Variants in RAP1A observed in about 807,000 individuals in gnomAD.
The protein encoded by RAP1A is ras-related protein Rap-1A.
A neutral mutation model predicts 26.4 loss-of-function variants in RAP1A; 6 were observed. That is an observed-to-expected ratio of 0.23 (90% CI 0.12 to 0.45). The LOEUF (loss-of-function observed/expected upper bound fraction) is 0.45. RAP1A is among the 20% of genes least tolerant of loss of function. The probability of loss-of-function intolerance (pLI) is 0.99; values close to 1 mark genes in which losing one functional copy is unlikely to be tolerated. For synonymous variants in RAP1A, 73 were observed against 79.4 expected, an observed-to-expected ratio of 0.92 and a Z score of 0.43; for missense variants, 121 against 217.2, an observed-to-expected ratio of 0.56 and a Z score of 2.78.
intron 1 of RAP1A, among the ~76,000 whole-genome samples, chr1:111,565,571 A>C (rs990372937): frequency 2.0e-5 from 3 of 152,202 alleles, no homozygotes; most frequent in Admixed American, 2.0e-4. Flanking sequence ...TGCCATTCAG[A>C]ATGGGGTGAT....
intron 1 of RAP1A, among the ~76,000 whole-genome samples, chr1:111,645,262 G>T (rs770803082): frequency 3.3e-5 from 5 of 152,202 alleles, no homozygotes; most frequent in Non-Finnish European, 4.4e-5. Flanking sequence ...TATAGGGCAG[G>T]TAGAAAGGTT....
intron 1 of RAP1A, among the ~76,000 whole-genome samples, chr1:111,596,310 A>G (rs1658562991): frequency 6.6e-6 from 1 of 152,188 alleles, no homozygotes; most frequent in Admixed American, 6.5e-5. Context: ...AAGGCCCTAC[A>G]GAGGCTCTGA....
chr1:111,638,478 T>C (rs1173914787), intron 1 of RAP1A, among the ~76,000 whole-genome samples: 3 of 152,194 alleles, frequency 2.0e-5, no homozygotes, highest in East Asian at 3.8e-4. Context: ...ATCTTAATCC[T>C]ACCCCCGGGC....
At chr1:111,629,213 T>C (rs913224494) in intron 1 of RAP1A, among the ~76,000 whole-genome samples, 5 of 152,136 alleles carry the variant, frequency 3.3e-5, no homozygotes, top group Admixed American at 3.3e-4. Context: ...AATGGGAAAT[T>C]GTGTGTATGA....
chr1:111,562,988 C>A (rs988367297), intron 1 of RAP1A, among the ~76,000 whole-genome samples: 1 of 152,222 alleles, frequency 6.6e-6, no homozygotes, highest in Admixed American at 6.5e-5. Flanking sequence ...TTTTGAAATT[C>A]TCACAACAGC....
intron 1 of RAP1A, among the ~76,000 whole-genome samples, chr1:111,610,964 A>AT (rs5777067): frequency 2.0e-5 from 3 of 151,736 alleles, no homozygotes; most frequent in Non-Finnish European, 4.4e-5. Context: ...GAAGAAACAT[A>AT]TTTTTTTTTT....
chr1:111,591,483 C>T (rs1270465220), intron 1 of RAP1A, among the ~76,000 whole-genome samples: 6 of 152,002 alleles, frequency 3.9e-5, no homozygotes, highest in Admixed American at 1.3e-4. Flanking sequence ...AATTTCTCTG[C>T]GTAAGTTTTG....
At chr1:111,561,763 C>A (rs146901097) in intron 1 of RAP1A, among the ~76,000 whole-genome samples, 1 of 152,092 alleles carries the variant, frequency 6.6e-6, no homozygotes, top group African/African-American at 2.4e-5. Flanking sequence ...TGTGTGTGTA[C>A]GTATAATTGG....
At chr1:111,681,232 A>C (rs61791765) in intron 1 of RAP1A, among the ~76,000 whole-genome samples, 8,887 of 152,274 alleles carry the variant, frequency 0.058, 280 homozygotes, top group Non-Finnish European at 0.069. Context: ...TGGACAACAG[A>C]GTGAAACTCC....
chr1:111,697,465 T>C lies in RAP1A; in HGVS notation c.151T>C (p.Cys51Arg). The change falls in exon 4 of 8, where the codon TGT becomes CGT. Residue 51 changes from cysteine (C) to arginine (R), a missense_variant. Coordinates refer to ENST00000369709, the MANE Select transcript of RAP1A (RefSeq NM_002884.4). ...GCAAGTTGAAGTCGATTGCCAACAG[T>C]GTATGCTCGAAATCCTGGATACTGC... is the stretch of plus-strand genomic sequence containing the variant. ...RKQVEVDCQQ[C>R]MLEILDTAGT... 1.2e-6 allele frequency: 2 copies of C among 1,612,836 alleles called. No individual in the cohort carries two copies. Among genetic ancestry groups the C allele is most frequent in the Non-Finnish European group, 8.5e-7 (1 of 1,179,620 alleles).
chr1:111,587,937 GA>G (rs1557858785), intron 1 of RAP1A, among the ~76,000 whole-genome samples: 7 of 152,040 alleles, frequency 4.6e-5, no homozygotes, highest in African/African-American at 1.7e-4. Flanking sequence ...TGGTCAGACA[GA>G]AAAAAAGTTT....
chr1:111,640,276 A>G (rs1275520049), intron 1 of RAP1A, among the ~76,000 whole-genome samples: 1 of 152,210 alleles, frequency 6.6e-6, no homozygotes, highest in Non-Finnish European at 1.5e-5. Flanking sequence ...ATTTTAACTA[A>G]ATATTATGTG....
At chr1:111,650,886 C>T (rs1221377327) in intron 1 of RAP1A, among the ~76,000 whole-genome samples, 1 of 152,040 alleles carries the variant, frequency 6.6e-6, no homozygotes, top group Non-Finnish European at 1.5e-5. Flanking sequence ...ACTGCAACCT[C>T]CGCCTCCCAG....
chr1:111,663,942 C>A (rs1660711403), intron 1 of RAP1A, among the ~76,000 whole-genome samples: 1 of 152,176 alleles, frequency 6.6e-6, no homozygotes, highest in Non-Finnish European at 1.5e-5. Flanking sequence ...TCCTCTGTTG[C>A]AATCTACAGA....
intron 1 of RAP1A, among the ~76,000 whole-genome samples, chr1:111,686,260 T>TA (rs758698276): frequency 6.6e-6 from 1 of 152,160 alleles, no homozygotes; most frequent in Non-Finnish European, 1.5e-5. Context: ...TTCCAGAATT[T>TA]AAAGTATAAT....
chr1:111,670,641 T>C (rs2101181201), intron 1 of RAP1A, among the ~76,000 whole-genome samples: 1 of 152,222 alleles, frequency 6.6e-6, no homozygotes, highest in African/African-American at 2.4e-5. Flanking sequence ...AAAGCCAAAG[T>C]TGGTTGTTTG....
At position 111,716,536 on chromosome 1, in the gene RAP1A, G is replaced by C. The variant is rs1336510490; in HGVS notation, c.*4135G>C. The C allele has an allele frequency of 6.6e-6, 1 of 152,156 alleles. No individual in the cohort carries two copies. The highest frequency in any genetic ancestry group is 1.5e-5 in the Non-Finnish European group (1 of 68,026). 9.4% of individuals were successfully genotyped at this position (152,156 alleles called of 1,614,324 possible). A position where few individuals can be genotyped will look rare whatever the true frequency, so the allele number is the denominator to read the frequency against. On this transcript the variant is annotated 3_prime_UTR_variant, in exon 8 of 8. Coordinates refer to ENST00000369709, the MANE Select transcript of RAP1A (RefSeq NM_002884.4). The stretch of plus-strand genomic sequence containing the variant: ...ATTAATGAGCTTTAAATGGGAATTG[G>C]GGATGATGTATGTTCGTTGGGCATG...
At chr1:111,711,870 A>G (rs1662394846) in intron 7 of RAP1A, among the ~76,000 whole-genome samples, 1 of 152,172 alleles carries the variant, frequency 6.6e-6, no homozygotes, top group South Asian at 2.1e-4. Flanking sequence ...GGATTATTTT[A>G]CCTGATTCTT....
chr1:111,565,553 T>G (rs17028002), intron 1 of RAP1A, among the ~76,000 whole-genome samples: 2 of 152,182 alleles, frequency 1.3e-5, no homozygotes, highest in African/African-American at 4.8e-5. Flanking sequence ...AACTGAAGTC[T>G]AAACCTGTGC....
Sources: allele counts gnomAD v4.1 joint callset (sites outside exome capture counted in the v4.1 genomes callset), GRCh38; gene constraint gnomAD v4.1.1; transcripts MANE v1.5; gene names NCBI Gene and HGNC (gene_info 2026-07-23, HGNC 2026-07-21).